MITF: variants seen among roughly 807,000 people sequenced by gnomAD.
MITF encodes melanocyte inducing transcription factor, also known as microphthalmia-associated transcription factor.
Under a neutral mutation model 60.5 loss-of-function variants are expected in MITF, and 17 were observed. The observed-to-expected ratio is 0.28, with a 90% CI of 0.19 to 0.42. The LOEUF (loss-of-function observed/expected upper bound fraction) is 0.42, where lower values mean the gene tolerates loss of function less well. MITF is among the 10% of genes least tolerant of loss of function. MITF has a pLI of 1.00. For synonymous variants in MITF, 260 were observed against 248.5 expected, an observed-to-expected ratio of 1.05 and a Z score of -0.43; for missense variants, 622 against 683.5, an observed-to-expected ratio of 0.91 and a Z score of 1.00.
chr3:69,857,198 T>A (rs1203554646), intron 1 of MITF, among the ~76,000 whole-genome samples: 3 of 152,064 alleles, frequency 2.0e-5, no homozygotes, highest in African/African-American at 7.2e-5. Flanking sequence ...GTTCTAATTT[T>A]AGAATTAGTT....
rs906870701 is a variant in MITF, at chr3:69,961,489, G to A, written c.1179+2069G>A. On this transcript the variant is annotated intron_variant, in intron 9 of 9. Transcript: ENST00000352241. The stretch of plus-strand genomic sequence containing the variant: ...TGAGAGGCCAAGGTGGGTGGATCAC[G>A]AGTTCAGGAGTTCGAGACCAGTCTG... Among the ~76,000 whole-genome samples the A allele has an allele frequency of 4.6e-5, 7 of 151,076 alleles. No individual in the cohort carries two copies. In the South Asian group the frequency reaches 8.4e-4, roughly 18 times the overall value.
chr3:69,956,637 C>T, intron 8 of MITF, 107 bp downstream of exon 8: 2 of 881,002 alleles, frequency 2.3e-6, no homozygotes, highest in Non-Finnish European at 1.9e-6. Flanking sequence ...AGAAGTCTCC[C>T]CTCTCCCTTT....
intron 2 of MITF, among the ~76,000 whole-genome samples, chr3:69,911,173 C>T (rs2065217058): frequency 6.6e-6 from 1 of 152,132 alleles, no homozygotes; most frequent in South Asian, 2.1e-4. Flanking sequence ...TCCTCATTTT[C>T]TCTTGCTGCC....
At chr3:69,869,876 A>T (rs967815083) in intron 1 of MITF, among the ~76,000 whole-genome samples, 1 of 152,068 alleles carries the variant, frequency 6.6e-6, no homozygotes, top group East Asian at 1.9e-4. Flanking sequence ...CGTATGACTC[A>T]CTTCACAATA....
chr3:69,833,824 A>G (rs1293012447), intron 1 of MITF, among the ~76,000 whole-genome samples: 1 of 152,156 alleles, frequency 6.6e-6, no homozygotes, highest in Non-Finnish European at 1.5e-5. Flanking sequence ...TTCCCTATTT[A>G]TACTGTATGT....
chr3:69,754,645 A>G (rs1704061939), intron 1 of MITF, among the ~76,000 whole-genome samples: 1 of 151,206 alleles, frequency 6.6e-6, no homozygotes, highest in Non-Finnish European at 1.5e-5. Context: ...TTTTTGAAAT[A>G]AATTACCCAG....
chr3:69,922,953 C>A (rs2065500977), intron 2 of MITF, among the ~76,000 whole-genome samples: 1 of 152,166 alleles, frequency 6.6e-6, no homozygotes, highest in Non-Finnish European at 1.5e-5. Context: ...CCTTGTTGAC[C>A]CGTTGCTGGC....
At chr3:69,767,435 ATTAGCTAGG>A (rs1435621244) in intron 1 of MITF, among the ~76,000 whole-genome samples, 2 of 152,032 alleles carry the variant, frequency 1.3e-5, no homozygotes, top group African/African-American at 4.8e-5. Flanking sequence ...AATACAAAAA[ATTAGCTAGG>A]TGTGGTGGTG....
At chr3:69,882,251 C>G (rs1027127495) in intron 2 of MITF, among the ~76,000 whole-genome samples, 1 of 152,082 alleles carries the variant, frequency 6.6e-6, no homozygotes, top group Admixed American at 6.6e-5. Context: ...CATTCCTCAA[C>G]GTATAGTCAT....
intron 2 of MITF, chr3:69,937,145 A>T (rs181332288): frequency 3.3e-5 from 6 of 181,974 alleles, no homozygotes; most frequent in Non-Finnish European, 6.9e-5. Context: ...TGGCTTGTTA[A>T]TAGTCATGTC....
At chr3:69,819,743 C>A (rs954416336) in intron 1 of MITF, among the ~76,000 whole-genome samples, 1 of 152,128 alleles carries the variant, frequency 6.6e-6, no homozygotes, top group Non-Finnish European at 1.5e-5. Context: ...AGGTGGATCA[C>A]TTGAGGTCAG....
chr3:69,744,760 C>T (rs1703657934), intron 1 of MITF, among the ~76,000 whole-genome samples: 1 of 152,228 alleles, frequency 6.6e-6, no homozygotes, highest in South Asian at 2.1e-4. Flanking sequence ...TAGTAAATTC[C>T]TTTTTGCTTT....
chr3:69,746,785 A>G (rs1015555846), intron 1 of MITF, among the ~76,000 whole-genome samples: 6 of 152,210 alleles, frequency 3.9e-5, no homozygotes, highest in Admixed American at 1.3e-4. Context: ...ATAAGTCTGC[A>G]TCTTTATAGA....
intron 1 of MITF, among the ~76,000 whole-genome samples, chr3:69,795,731 A>ATAAAAGG (rs1270435447): frequency 1.3e-5 from 2 of 152,208 alleles, no homozygotes; most frequent in African/African-American, 4.8e-5. Context: ...GTTTCAGAAA[A>ATAAAAGG]TAAAAGGTAA....
intron 1 of MITF, among the ~76,000 whole-genome samples, chr3:69,875,415 C>A (rs992683974): frequency 2.6e-5 from 4 of 152,166 alleles, no homozygotes; most frequent in African/African-American, 9.7e-5. Flanking sequence ...GTGACTGTGG[C>A]TTTAAACTCT....
chr3:69,796,333 G>A lies in MITF; in HGVS notation c.104+56632G>A, dbSNP rs115981217. Among the ~76,000 whole-genome samples the A allele has an allele frequency of 8.5e-3, 1,299 of 151,956 alleles. 15 individuals carry two copies. The highest frequency in any genetic ancestry group is 0.03 in the African/African-American group (1,224 of 41,448). ...TAGTTTGTATTCATTTTAGAAATAT[G>A]GCAAAGCATTCTTTCTTATTTAGAA... On this transcript the variant is annotated intron_variant, in intron 1 of 9. Coordinates refer to ENST00000352241, the MANE Select transcript of MITF (RefSeq NM_001354604.2).
At chr3:69,770,944 A>C (rs908140125) in intron 1 of MITF, among the ~76,000 whole-genome samples, 5 of 152,220 alleles carry the variant, frequency 3.3e-5, no homozygotes, top group African/African-American at 9.6e-5. Context: ...AGCATTAACA[A>C]GTATCCGAAG....
At position 69,844,988 on chromosome 3, in the gene MITF, C is replaced by A. The variant is rs2063705389; in HGVS notation, c.105-34146C>A. Among the ~76,000 whole-genome samples the A allele has an allele frequency of 5.3e-5, 8 of 152,184 alleles. No homozygotes were observed. In the South Asian group the frequency reaches 1.5e-3, roughly 28 times the overall value. On this transcript the variant is annotated intron_variant, in intron 1 of 9. Transcript: ENST00000352241. ...GTTTTACTTTTTTTAATTTTACCTG[C>A]CTGGGCCCTGTAGATGTTTAACTGT... is the stretch of plus-strand genomic sequence containing the variant.
At chr3:69,772,424 G>A (rs1450237090) in intron 1 of MITF, among the ~76,000 whole-genome samples, 1 of 152,174 alleles carries the variant, frequency 6.6e-6, no homozygotes, top group Non-Finnish European at 1.5e-5. Flanking sequence ...TCTTTTTTGG[G>A]ATGTCCAATC....
Sources: gnomAD v4.1 joint callset for allele counts (sites outside exome capture counted in the v4.1 genomes callset) on GRCh38, gnomAD v4.1.1 for gene constraint, MANE v1.5 for transcripts, NCBI Gene and HGNC (gene_info 2026-07-23, HGNC 2026-07-21) for gene names.